MTUS2: variants seen among roughly 807,000 people sequenced by gnomAD.
MTUS2 encodes the protein microtubule-associated tumor suppressor candidate 2.
A neutral mutation model predicts 114.1 loss-of-function variants in MTUS2; 40 were observed. The observed-to-expected ratio is 0.35, with a 90% CI of 0.27 to 0.46. The LOEUF is 0.46. Ranked by LOEUF, MTUS2 falls within the 20% of genes least tolerant of loss-of-function variation. MTUS2 has a pLI of 1.00. For synonymous variants in MTUS2, 688 were observed against 672.0 expected (o/e 1.02, Z -0.37); for missense variants, 1,679 against 1,705.4 (o/e 0.98, Z 0.27).
chr13:29,290,557 C>T (rs747795105), intron 6 of MTUS2, among the ~76,000 whole-genome samples: 1 of 152,118 alleles, frequency 6.6e-6, no homozygotes, highest in Non-Finnish European at 1.5e-5. Context: ...GTCTCGATCT[C>T]CTGACCTCGT....
At chr13:29,337,590 AT>A (rs1033272285) in intron 7 of MTUS2, among the ~76,000 whole-genome samples, 5 of 133,586 alleles carry the variant, frequency 3.7e-5, no homozygotes, top group African/African-American at 5.4e-5. Flanking sequence ...TGTTTTATTT[AT>A]TTTTTATTTT....
At chr13:29,033,759 G>T in intron 3 of MTUS2, 126 bp from the exon 4 acceptor site, 1 of 1,130,518 alleles carries the variant, frequency 8.8e-7, no homozygotes. Context: ...GAAGGTAGGG[G>T]ACTTGTGATC....
chr13:28,901,149 C>T (rs1879621131), intron 2 of MTUS2, among the ~76,000 whole-genome samples: 1 of 152,058 alleles, frequency 6.6e-6, no homozygotes. Context: ...TTTTCTTGTG[C>T]TTATTGCATC....
chr13:29,358,820 C>T (rs75654554), intron 7 of MTUS2, among the ~76,000 whole-genome samples: 5,787 of 152,096 alleles, frequency 0.038, 380 homozygotes, highest in African/African-American at 0.13. Context: ...GCAGCCTCTA[C>T]GGCGAAGAAA....
At chr13:29,276,628 TGGCTCATGCCTGTA>T (rs1898073087) in intron 5 of MTUS2, among the ~76,000 whole-genome samples, 1 of 152,162 alleles carries the variant, frequency 6.6e-6, no homozygotes, top group African/African-American at 2.4e-5. Flanking sequence ...CTGGGCACGG[TGGCTCATGCCTGTA>T]ATCCCAGCAC....
intron 2 of MTUS2, among the ~76,000 whole-genome samples, chr13:28,898,576 A>G (rs1473782923): frequency 6.6e-6 from 1 of 152,192 alleles, no homozygotes; most frequent in African/African-American, 2.4e-5. Context: ...CTCTTCAAAT[A>G]AAATAAATGA....
At chr13:29,461,440 T>C (rs1018093770) in intron 9 of MTUS2, among the ~76,000 whole-genome samples, 5 of 152,144 alleles carry the variant, frequency 3.3e-5, no homozygotes, top group Admixed American at 3.3e-4. Flanking sequence ...AGATAACAAA[T>C]CACTCCATCC....
At chr13:28,894,846 C>A (rs1038038173) in intron 2 of MTUS2, among the ~76,000 whole-genome samples, 1 of 151,984 alleles carries the variant, frequency 6.6e-6, no homozygotes, top group Admixed American at 6.6e-5. Flanking sequence ...ACTCTTGGAG[C>A]CTTTTGTGTG....
At chr13:29,447,820 G>C (rs549050675) in intron 9 of MTUS2, among the ~76,000 whole-genome samples, 5 of 151,962 alleles carry the variant, frequency 3.3e-5, no homozygotes, top group Admixed American at 6.6e-5. Flanking sequence ...GAAAAGCAGA[G>C]ATGCTAGAAA....
At chr13:28,825,575 A>G (rs1481374086) in intron 1 of MTUS2, among the ~76,000 whole-genome samples, 2 of 151,076 alleles carry the variant, frequency 1.3e-5, no homozygotes, top group African/African-American at 4.9e-5. Context: ...AACCAGAACA[A>G]CACACACACA....
intron 7 of MTUS2, among the ~76,000 whole-genome samples, chr13:29,327,930 A>G (rs148744141): frequency 1.1e-3 from 161 of 152,304 alleles, no homozygotes; most frequent in African/African-American, 3.2e-3. Context: ...ACATTCTAAT[A>G]GGTGTGTCAT....
chr13:29,105,251 G>C (rs550619292), intron 5 of MTUS2, among the ~76,000 whole-genome samples: 100 of 152,260 alleles, frequency 6.6e-4, no homozygotes, highest in African/African-American at 2.3e-3. Context: ...CAGTAATTAG[G>C]TATAGACTTG....
At chr13:29,149,280 A>G (rs1050458949) in intron 5 of MTUS2, among the ~76,000 whole-genome samples, 3 of 152,110 alleles carry the variant, frequency 2.0e-5, no homozygotes, top group Non-Finnish European at 2.9e-5. Context: ...GATCAATGAT[A>G]TTGAGCTTTT....
At chr13:29,146,829 A>T (rs1892453969) in intron 5 of MTUS2, among the ~76,000 whole-genome samples, 1 of 152,208 alleles carries the variant, frequency 6.6e-6, no homozygotes, top group Non-Finnish European at 1.5e-5. Context: ...ATGTTGCAGG[A>T]TTGTTTTAAG....
chr13:28,934,092 C>G (rs555466540), intron 2 of MTUS2, among the ~76,000 whole-genome samples: 2 of 152,186 alleles, frequency 1.3e-5, no homozygotes, highest in African/African-American at 2.4e-5. Context: ...AGTTCTCACT[C>G]TCCTACCAAC....
intron 10 of MTUS2, 129 bp from the exon 11 acceptor site, chr13:29,487,771 C>G: frequency 1.3e-6 from 1 of 753,476 alleles, no homozygotes. Flanking sequence ...AAGTCCAGCT[C>G]TCCTGCTTCG....
Position 29,026,271 on chromosome 13 carries a change from A to G in MTUS2, c.1573A>G (p.Arg525Gly). The G allele has an allele frequency of 6.2e-7, 1 of 1,614,024 alleles. No individual in the cohort carries two copies. ...NADKIESTSA[R>G]ADSVLNIPAP... The stretch of plus-strand genomic sequence containing the variant: ...AGATAAGATTGAAAGCACCTCAGCA[A>G]GAGCAGATTCAGTTCTCAATATTCC... The change falls in exon 3 of 16, where the codon AGA (arginine) becomes GGA (glycine). Residue 525 changes from arginine to glycine, a missense_variant. Arg to Gly is a moderately radical substitution (Grantham distance 125). Around this residue, in one of 3 missense-constraint regions of MTUS2, gnomAD observed 843 missense variants for 770.8 expected, o/e 1.09. Transcript: ENST00000612955.
intron 2 of MTUS2, among the ~76,000 whole-genome samples, chr13:28,991,661 C>T (rs572086207): frequency 1.3e-5 from 2 of 152,180 alleles, no homozygotes; most frequent in Non-Finnish European, 2.9e-5. Flanking sequence ...AGCCACCGCG[C>T]CCGGGTGTTT....
intron 2 of MTUS2, among the ~76,000 whole-genome samples, chr13:28,985,576 TA>T (rs1178013211): frequency 2.0e-5 from 3 of 149,396 alleles, no homozygotes; most frequent in African/African-American, 7.5e-5. Context: ...TTTTTTTTTT[TA>T]AAAAGCTTTA....
Sources: allele counts gnomAD v4.1 joint callset (sites outside exome capture counted in the v4.1 genomes callset), GRCh38; gene constraint gnomAD v4.1.1; regional missense constraint gnomAD v4.1.1; transcripts MANE v1.5; gene names NCBI Gene and HGNC (gene_info 2026-07-23, HGNC 2026-07-21).